Variants in ELOVL6 observed in about 807,000 individuals in gnomAD.
The protein encoded by ELOVL6 is ELOVL fatty acid elongase 6.
Under a neutral mutation model 31.7 loss-of-function variants are expected in ELOVL6, and 8 were observed. That is an observed-to-expected ratio of 0.25 (90% confidence interval 0.15 to 0.45). The LOEUF is 0.45. Among genes scored for constraint, ELOVL6 ranks in the 20% least tolerant of loss-of-function variants. The pLI, the probability that ELOVL6 is intolerant of heterozygous loss-of-function variation, is 1.00. For missense variants in ELOVL6, 126 were observed against 326.4 expected, an observed-to-expected ratio of 0.39 and a Z score of 4.73; for synonymous variants, 101 against 117.7, an observed-to-expected ratio of 0.86 and a Z score of 0.92.
intron 2 of ELOVL6, among the ~76,000 whole-genome samples, chr4:110,062,104 A>T (rs889176587): frequency 3.9e-5 from 6 of 152,186 alleles, no homozygotes; most frequent in Non-Finnish European, 8.8e-5. Context: ...GTCCTAGAAG[A>T]CTTCAGAGGA....
At chr4:110,180,259 C>A (rs950472721) in intron 1 of ELOVL6, among the ~76,000 whole-genome samples, 1 of 152,158 alleles carries the variant, frequency 6.6e-6, no homozygotes, top group African/African-American at 2.4e-5. Flanking sequence ...GCCCAGATAG[C>A]AGATATAATG....
chr4:110,128,208 G>A (rs1757565129), intron 1 of ELOVL6, among the ~76,000 whole-genome samples: 1 of 152,182 alleles, frequency 6.6e-6, no homozygotes, highest in Non-Finnish European at 1.5e-5. Flanking sequence ...CCAGAGGCAT[G>A]AGAGAGAAAG....
chr4:110,051,407 A>G lies in ELOVL6; in HGVS notation c.729T>C (p.Leu243=). 1 of 1,614,250 alleles carries G rather than the reference A, an allele frequency of 6.2e-7. No individual in the cohort carries two copies. Among genetic ancestry groups the G allele is most frequent in the Non-Finnish European group, 8.5e-7 (1 of 1,180,026 alleles). The change falls in exon 4 of 4, where the codon CTT becomes CTC. Residue 243 remains leucine, a synonymous_variant. Coordinates refer to ENST00000302274, the MANE Select transcript of ELOVL6 (RefSeq NM_024090.3). The surrounding 1 kb of genome is among the most constrained non-coding windows in gnomAD (Gnocchi z 4.8). Reference sequence around the variant, plus strand: ...CAAAGAAGAAATGGCAGAAGAGCACAAGGTAGCTGAGGTACATGAGTGAGG... The same window carrying G: ...CAAAGAAGAAATGGCAGAAGAGCACGAGGTAGCTGAGGTACATGAGTGAGG... ...FWSSLMYLSY[L]VLFCHFFFEA... is the part of the protein sequence containing the mutation.
At chr4:110,142,055 C>T (rs1006148379) in intron 1 of ELOVL6, among the ~76,000 whole-genome samples, 6 of 145,912 alleles carry the variant, frequency 4.1e-5, no homozygotes, top group Non-Finnish European at 8.9e-5. Context: ...TGATATCCCA[C>T]CCCTTACTAA....
intron 1 of ELOVL6, among the ~76,000 whole-genome samples, chr4:110,119,859 T>C (rs1757293098): frequency 6.6e-6 from 1 of 152,166 alleles, no homozygotes; most frequent in African/African-American, 2.4e-5. Context: ...TACTGCCAGG[T>C]TGTGAGACAC....
chr4:110,071,568 A>T (rs1578453720), intron 2 of ELOVL6, among the ~76,000 whole-genome samples: 3 of 152,250 alleles, frequency 2.0e-5, no homozygotes, highest in East Asian at 3.9e-4. Flanking sequence ...AGGCAGGGGG[A>T]CAAAGCTTCA....
chr4:110,079,600 G>C (rs1303854234), intron 2 of ELOVL6, among the ~76,000 whole-genome samples: 3 of 152,106 alleles, frequency 2.0e-5, no homozygotes, highest in East Asian at 1.9e-4. Flanking sequence ...AGTGTGTAGA[G>C]GGAAATTTAC....
chr4:110,080,585 T>C (rs1209628608), intron 2 of ELOVL6, among the ~76,000 whole-genome samples: 2 of 152,138 alleles, frequency 1.3e-5, no homozygotes, highest in African/African-American at 4.8e-5. Flanking sequence ...ATTGATGGGA[T>C]GTATCTCAGA....
At chr4:110,123,762 G>A (rs1265210646) in intron 1 of ELOVL6, among the ~76,000 whole-genome samples, 1 of 152,106 alleles carries the variant, frequency 6.6e-6, no homozygotes, top group African/African-American at 2.4e-5. Flanking sequence ...TACTGATTTT[G>A]TCTTTGGAAA....
At chr4:110,117,504 C>T (rs1197499727) in intron 1 of ELOVL6, among the ~76,000 whole-genome samples, 1 of 152,036 alleles carries the variant, frequency 6.6e-6, no homozygotes, top group Admixed American at 6.5e-5. Flanking sequence ...CAGTATATTA[C>T]TCTCTTCACT....
intron 3 of ELOVL6, among the ~76,000 whole-genome samples, 163 bp downstream of exon 3, chr4:110,059,440 C>T (rs573354922): frequency 2.6e-5 from 4 of 152,182 alleles, no homozygotes; most frequent in Non-Finnish European, 4.4e-5. Context: ...AAAGAGGGAG[C>T]GAACAATAAA....
At chr4:110,171,372 G>A (rs1758937310) in intron 1 of ELOVL6, among the ~76,000 whole-genome samples, 2 of 151,884 alleles carry the variant, frequency 1.3e-5, no homozygotes, top group South Asian at 4.1e-4. Context: ...TCGCGCCATT[G>A]CACTCCAGCC....
intron 1 of ELOVL6, among the ~76,000 whole-genome samples, chr4:110,126,102 G>T (rs1757488735): frequency 6.6e-6 from 1 of 151,974 alleles, no homozygotes; most frequent in Admixed American, 6.6e-5. Flanking sequence ...GGAGTGCAAT[G>T]GTTTGATCTT....
At chr4:110,082,167 A>G (rs1224226536) in intron 2 of ELOVL6, among the ~76,000 whole-genome samples, 4 of 150,642 alleles carry the variant, frequency 2.7e-5, no homozygotes, top group Non-Finnish European at 5.9e-5. Flanking sequence ...TAGTTCAACC[A>G]TCGTGGAAGT....
chr4:110,103,633 C>T (rs1229629917), intron 2 of ELOVL6, among the ~76,000 whole-genome samples: 1 of 152,136 alleles, frequency 6.6e-6, no homozygotes, highest in Non-Finnish European at 1.5e-5. Context: ...GATCTAACTA[C>T]AACTTATAAG....
At chr4:110,084,020 C>G (rs376954659) in intron 2 of ELOVL6, among the ~76,000 whole-genome samples, 2 of 4,034 alleles carry the variant, frequency 5.0e-4, no homozygotes, top group Non-Finnish European at 6.1e-4. Context: ...TGGTATATAA[C>G]ATATGCCATA....
chr4:110,137,527 CT>C (rs1319525114), intron 1 of ELOVL6, among the ~76,000 whole-genome samples: 4 of 152,014 alleles, frequency 2.6e-5, no homozygotes, highest in African/African-American at 9.7e-5. Context: ...TTTGACTTTA[CT>C]ATAGATCTTA....
rs575590413 is a variant in ELOVL6, at chr4:110,106,081, G to A, written c.90-453C>T. On this transcript the variant is annotated intron_variant, in intron 1 of 3. Transcript: ENST00000302274. ...CCATTTAAAATTTTATCTTGGGTGG[G>A]TGTGGTGGCTCACACCTGTTATCCC... Among the ~76,000 whole-genome samples the A allele has an allele frequency of 2.0e-5, 3 of 152,372 alleles. No individual in the cohort carries two copies. In the South Asian group the frequency reaches 6.2e-4, roughly 32 times the overall value.
chr4:110,148,353 T>A (rs777693597), intron 1 of ELOVL6, among the ~76,000 whole-genome samples: 16 of 152,118 alleles, frequency 1.1e-4, no homozygotes, highest in Non-Finnish European at 1.9e-4. Flanking sequence ...GAGGTCATTA[T>A]GCTAAGTGAA....
Sources: gnomAD v4.1 joint callset for allele counts (sites outside exome capture counted in the v4.1 genomes callset) on GRCh38, gnomAD v4.1.1 for gene constraint, Gnocchi (gnomAD v3.1) non-coding constraint, MANE v1.5 for transcripts, NCBI Gene and HGNC (gene_info 2026-07-23, HGNC 2026-07-21) for gene names.